The following PEG3 variants were observed in gnomAD, a reference collection of about 807,000 sequenced individuals.
PEG3 encodes the protein paternally-expressed gene 3 protein.
Under a neutral mutation model 35.5 loss-of-function variants are expected in PEG3, and 23 were observed. The ratio of observed to expected loss-of-function variants is 0.65; its 90% confidence interval spans 0.47 to 0.92. The LOEUF is 0.92. Ranked by LOEUF, PEG3 falls within the 40% of genes least tolerant of loss-of-function variation. The pLI is 0.00. For synonymous variants in PEG3, 707 were observed against 697.0 expected, an observed-to-expected ratio of 1.01 and a Z score of -0.23; for missense variants, 1,960 against 1,985.3, an observed-to-expected ratio of 0.99 and a Z score of 0.24.
chr19:56,821,736 A>G lies in PEG3; in HGVS notation c.584T>C (p.Leu195Pro), dbSNP rs764427724. 1 of 1,614,030 alleles carries G rather than the reference A, an allele frequency of 6.2e-7. No homozygotes were observed. The highest frequency in any genetic ancestry group is 8.5e-7 in the Non-Finnish European group (1 of 1,180,008). Reference protein sequence around the residue: ...NPRSRMPPRDLSLPVVAKTSF... With the variant: ...NPRSRMPPRDPSLPVVAKTSF... ...TGTTTTCGCCACCACAGGAAGGGAA[A>G]GATCCCGCGGAGGCATCCCTGGGAA... is the stretch of plus-strand genomic sequence containing the variant. Residue 195 changes from leucine to proline, a missense_variant, in exon 7 of 10, where the codon CTT (leucine) becomes CCT (proline). Physicochemically the swap from Leu to Pro is moderately conservative, Grantham distance 98. Around this residue, in one of 5 missense-constraint regions of PEG3, gnomAD observed 613 missense variants for 577.1 expected, o/e 1.06. Transcript: ENST00000326441.
chr19:56,834,156 C>G (rs74595585), intron 2 of PEG3, among the ~76,000 whole-genome samples: 2,411 of 152,208 alleles, frequency 0.016, 70 homozygotes, highest in African/African-American at 0.055. Context: ...ATTGGCTCAT[C>G]TGATTTTTTT....
At position 56,810,886 on chromosome 19, in the gene PEG3, A is replaced by G. The variant is rs28648863; in HGVS notation, c.*2789T>C. The G allele has an allele frequency of 4.8e-3, 4,649 of 962,824 alleles. 177 individuals are homozygous for G. In the African/African-American group the frequency reaches 0.075, roughly 16 times the overall value. The allele number at this position is 962,824 out of a possible 1,614,324, so 59.6% of individuals were successfully genotyped here. On this transcript the variant is annotated 3_prime_UTR_variant, in exon 10 of 10. Coordinates refer to ENST00000326441, the MANE Select transcript of PEG3 (RefSeq NM_006210.3). ...CTCTGGGTATGTATTATGCACACCA[A>G]TGGAGACACACATAATACACTGTTA... is the stretch of plus-strand genomic sequence containing the variant.
chr19:56,832,125 T>C (rs994157429), intron 2 of PEG3, among the ~76,000 whole-genome samples: 1 of 152,210 alleles, frequency 6.6e-6, no homozygotes, highest in Non-Finnish European at 1.5e-5. Flanking sequence ...CTCTGTTTCT[T>C]TTTCCATCTC....
At position 56,813,405 on chromosome 19, in the gene PEG3, T is replaced by C. The variant is rs767080868; in HGVS notation, c.*270A>G. The C allele has an allele frequency of 3.0e-5, 38 of 1,257,350 alleles. No homozygotes were observed. The highest frequency in any genetic ancestry group is 3.7e-5 in the Non-Finnish European group (37 of 997,704). 77.9% of individuals were successfully genotyped at this position (1,257,350 alleles called of 1,614,324 possible). On this transcript the variant is annotated 3_prime_UTR_variant, in exon 10 of 10. Coordinates refer to ENST00000326441, the MANE Select transcript of PEG3 (RefSeq NM_006210.3). ...CAAACTCTGTAGTCTGGAATACTCA[T>C]AGGGTTTTCTCAATCTGATTACTTG...
At chr19:56,824,932 T>C (rs1336057953) in intron 3 of PEG3, 191 bp from the exon 4 acceptor site, 2 of 362,554 alleles carry the variant, frequency 5.5e-6, no homozygotes, top group Non-Finnish European at 1.0e-5. Flanking sequence ...AGAGACCTAC[T>C]CGAGGAGTTA....
Position 56,826,472 on chromosome 19 carries a change from G to A in PEG3, c.-162-9C>T, listed in dbSNP as rs181537786. 6.6e-6 allele frequency: 1 copy of A among 152,222 alleles called. No homozygotes were observed. The highest frequency in any genetic ancestry group is 1.9e-4 in the East Asian group (1 of 5,200). The allele number at this position is 152,222 out of a possible 1,614,324, so 9.4% of individuals were successfully genotyped here. A position where few individuals can be genotyped will look rare whatever the true frequency, so the allele number is the denominator to read the frequency against. On this transcript the variant is annotated splice_polypyrimidine_tract_variant and intron_variant, in intron 2 of 9. Transcript: ENST00000326441. ...AGTCAAAACACAGGTATCTGCAGAA[G>A]TTTTAAAGGAAGAAATACACAGACT... is the stretch of plus-strand genomic sequence containing the variant.
At chr19:56,838,100 A>G (rs1428528774) in intron 1 of PEG3, among the ~76,000 whole-genome samples, 1 of 152,196 alleles carries the variant, frequency 6.6e-6, no homozygotes, top group Non-Finnish European at 1.5e-5. Flanking sequence ...GCCAGCAAAG[A>G]TGATGCCACA....
chr19:56,837,086 T>G (rs1036713654), intron 1 of PEG3, among the ~76,000 whole-genome samples: 5 of 151,952 alleles, frequency 3.3e-5, no homozygotes, highest in African/African-American at 1.2e-4. Context: ...AAGATCTCCT[T>G]GGGTGGAGCC....
At chr19:56,832,755 C>T (rs1016167025) in intron 2 of PEG3, among the ~76,000 whole-genome samples, 2 of 152,120 alleles carry the variant, frequency 1.3e-5, no homozygotes, top group African/African-American at 4.8e-5. Flanking sequence ...GGGAGTCTGG[C>T]GTTCTTTGAT....
In PEG3 at chr19:56,836,023, C is replaced by A. The variant is rs772909145; in HGVS notation, c.-168G>T. 1 of 512,130 alleles carries A rather than the reference C, an allele frequency of 2.0e-6. No individual in the cohort carries two copies. The highest frequency in any genetic ancestry group is 3.9e-6 in the Non-Finnish European group (1 of 256,850). 31.7% of individuals were successfully genotyped at this position (512,130 alleles called of 1,614,324 possible). On this transcript the variant is annotated 5_prime_UTR_variant, in exon 2 of 10. Transcript: ENST00000326441. ...GAGGAGGAAATTCAACTCACCTGGA[C>A]CCAGCCACCTAGCGTTTGGACCTAG...
intron 1 of PEG3, 99 bp from the exon 2 acceptor site, chr19:56,836,203 A>G (rs1050436047): frequency 7.7e-6 from 3 of 387,264 alleles, no homozygotes; most frequent in Middle Eastern, 5.6e-4. Flanking sequence ...TTTATCTTCT[A>G]TGATGGCACA....
At chr19:56,836,893 C>T (rs2062174330) in intron 1 of PEG3, among the ~76,000 whole-genome samples, 1 of 147,032 alleles carries the variant, frequency 6.8e-6, no homozygotes, top group Non-Finnish European at 1.5e-5. Flanking sequence ...TCACTTGAAC[C>T]CGGGAGGCAG....
In PEG3 at chr19:56,814,075, G is replaced by A. The variant is rs34831553; in HGVS notation, c.4367C>T (p.Ala1456Val). 3,119 of 1,614,018 alleles carry A rather than the reference G, an allele frequency of 1.9e-3. 61 individuals are homozygous for A. In the African/African-American group the frequency reaches 0.036, roughly 19 times the overall value. Reference sequence around the variant, plus strand: ...TCTTTCTTCTGGGTCTTCAATACCTGCACCATCTGGCTCATCAGCATCCCC... The same window carrying A: ...TCTTTCTTCTGGGTCTTCAATACCTACACCATCTGGCTCATCAGCATCCCC... Reference protein sequence around the residue: ...PNGDADEPDGAGIEDPEERAE... With the variant: ...PNGDADEPDGVGIEDPEERAE... Residue 1456 changes from alanine (A) to valine (V), a missense_variant, in exon 10 of 10, where the codon GCA (alanine) becomes GTA (valine). By Grantham distance (64) the Ala-to-Val change is moderately conservative (BLOSUM62 0). Transcript: ENST00000326441. The surrounding 1 kb of genome is among the most constrained non-coding windows in gnomAD (Gnocchi z 5.8).
chr19:56,835,731 G>T (rs912947672), intron 2 of PEG3, among the ~76,000 whole-genome samples: 3 of 152,236 alleles, frequency 2.0e-5, no homozygotes, highest in Admixed American at 2.0e-4. Flanking sequence ...ATGAGTGGAT[G>T]AATCTCTCAT....
Position 56,824,744 on chromosome 19 carries a change from G to A in PEG3, c.-86-3C>T, listed in dbSNP as rs529009450. ...TGTGACCGTCAGTACTCAGGGACCT[G>A]TGGATCGTAAGGAGATATACACATG... On this transcript the variant is annotated splice_polypyrimidine_tract_variant and splice_region_variant and intron_variant, in intron 3 of 9. Transcript: ENST00000326441. The A allele has an allele frequency of 1.6e-6, 2 of 1,290,160 alleles. No individual in the cohort carries two copies. The highest frequency in any genetic ancestry group is 3.0e-5 in the African/African-American group (2 of 67,460). The allele number at this position is 1,290,160 out of a possible 1,614,324, so 79.9% of individuals were successfully genotyped here.
Position 56,810,530 on chromosome 19 carries a change from ATTTTC to A in PEG3, c.*3140_*3144del. ...TGTTGGGTGTTGGGAATATGTGTGAATTTTCTTTACTGAATTTCCAAAGTTTTGTA... is the reference window on the plus strand; with the variant it reads ...TGTTGGGTGTTGGGAATATGTGTGAATTTACTGAATTTCCAAAGTTTTGTA... On this transcript the variant is annotated 3_prime_UTR_variant, in exon 10 of 10. Transcript: ENST00000326441. The A allele has an allele frequency of 1.0e-6, 1 of 982,976 alleles. No homozygotes were observed. Among genetic ancestry groups the A allele is most frequent in the Non-Finnish European group, 1.2e-6 (1 of 827,764 alleles). 60.9% of individuals were successfully genotyped at this position (982,976 alleles called of 1,614,324 possible). A position where few individuals can be genotyped will look rare whatever the true frequency, so the allele number is the denominator to read the frequency against.
chr19:56,814,833 G>C lies in PEG3; in HGVS notation c.3609C>G (p.Leu1203=), dbSNP rs904304749. The C allele has an allele frequency of 7.4e-6, 12 of 1,614,172 alleles. No individual in the cohort carries two copies. Among genetic ancestry groups the C allele is most frequent in the Non-Finnish European group, 9.3e-6 (11 of 1,180,036 alleles). The change falls in exon 10 of 10, where the codon CTC becomes CTG. Residue 1203 remains leucine, a synonymous_variant. Transcript: ENST00000326441. This position sits in a 1 kb window ranked among gnomAD's most constrained non-coding sequence, Gnocchi z 5.8. ...MKGCDDGFIA[L]LPMKPRRNRA... ...GATTCCTCCGTGGCTTCATGGGCAA[G>C]AGGGCAATAAAACCATCATCACACC...
Position 56,813,028 on chromosome 19 carries a change from G to A in PEG3, c.*647C>T. The A allele has an allele frequency of 1.0e-6, 1 of 985,540 alleles. No homozygotes were observed. The highest frequency in any genetic ancestry group is 1.2e-6 in the Non-Finnish European group (1 of 829,726). 61.0% of individuals were successfully genotyped at this position (985,540 alleles called of 1,614,324 possible). A position where few individuals can be genotyped will look rare whatever the true frequency, so the allele number is the denominator to read the frequency against. ...AGTACTTATCTTTTCAAACAGTAAG[G>A]AGTAAAAGCCATGTTATCTATCATG... On this transcript the variant is annotated 3_prime_UTR_variant, in exon 10 of 10. Coordinates refer to ENST00000326441, the MANE Select transcript of PEG3 (RefSeq NM_006210.3).
chr19:56,825,863 G>C (rs979691451), intron 3 of PEG3, among the ~76,000 whole-genome samples: 7 of 152,150 alleles, frequency 4.6e-5, no homozygotes, highest in Admixed American at 4.6e-4. Context: ...ATTATTCAGA[G>C]TCTCTCATTA....
Sources: gnomAD v4.1 joint callset for allele counts (sites outside exome capture counted in the v4.1 genomes callset) on GRCh38, gnomAD v4.1.1 for gene constraint, gnomAD v4.1.1 regional missense constraint, Gnocchi (gnomAD v3.1) non-coding constraint, MANE v1.5 for transcripts, NCBI Gene and HGNC (gene_info 2026-07-23, HGNC 2026-07-21) for gene names.